NKAIN2: variants seen among roughly 807,000 people sequenced by gnomAD.
NKAIN2 encodes the protein sodium/potassium transporting ATPase interacting 2, also known as sodium/potassium-transporting ATPase subunit beta-1-interacting protein 2.
NKAIN2 carries 14 observed loss-of-function variants against 32.6 expected under a neutral mutation model. That is an observed-to-expected ratio of 0.43 (90% CI 0.28 to 0.67). NKAIN2 has a LOEUF of 0.67. NKAIN2 is among the 30% of genes least tolerant of loss of function. The pLI, the probability that NKAIN2 is intolerant of heterozygous loss-of-function variation, is 0.17. For synonymous variants in NKAIN2, 80 were observed against 87.2 expected, an observed-to-expected ratio of 0.92 and a Z score of 0.46; for missense variants, 198 against 258.3, an observed-to-expected ratio of 0.77 and a Z score of 1.60.
chr6:124,582,985 CAT>C (rs1781577063), intron 3 of NKAIN2, among the ~76,000 whole-genome samples: 1 of 152,026 alleles, frequency 6.6e-6, no homozygotes, highest in South Asian at 2.1e-4. Context: ...CACTAAAAGA[CAT>C]ATACAAAAGG....
chr6:123,990,666 A>C lies in NKAIN2; in HGVS notation c.54+186412A>C, dbSNP rs184011944. Among the ~76,000 whole-genome samples, 3 of 152,264 alleles carry C rather than the reference A, an allele frequency of 2.0e-5. No homozygotes were observed. The East Asian group carries it at 5.8e-4, about 29-fold the overall frequency. On this transcript the variant is annotated intron_variant, in intron 1 of 6. Transcript: ENST00000368417. ...TCATCTGAAACATTTGACACTTTGC[A>C]TATGTCTGGTGGTGCTGTTGATTTG... is the stretch of plus-strand genomic sequence containing the variant.
At chr6:124,573,299 A>G (rs1272533931) in intron 3 of NKAIN2, among the ~76,000 whole-genome samples, 1 of 152,108 alleles carries the variant, frequency 6.6e-6, no homozygotes, top group African/African-American at 2.4e-5. Context: ...TTCCTTCACT[A>G]CTTCCTATTG....
intron 3 of NKAIN2, among the ~76,000 whole-genome samples, chr6:124,524,264 G>A (rs1057489073): frequency 6.6e-6 from 1 of 151,980 alleles, no homozygotes; most frequent in Non-Finnish European, 1.5e-5. Flanking sequence ...GTTATAGTAT[G>A]TTTATTGTTC....
chr6:124,344,327 T>A (rs1798294011), intron 2 of NKAIN2, among the ~76,000 whole-genome samples: 2 of 152,102 alleles, frequency 1.3e-5, no homozygotes, highest in Admixed American at 6.5e-5. Flanking sequence ...TCTTTTTTGG[T>A]TCCATATGAA....
At chr6:123,945,552 C>T (rs1275007116) in intron 1 of NKAIN2, among the ~76,000 whole-genome samples, 1 of 152,064 alleles carries the variant, frequency 6.6e-6, no homozygotes, top group African/African-American at 2.4e-5. Flanking sequence ...ACTCTGTGGT[C>T]CCAGCAGGTG....
chr6:124,079,485 T>G (rs1383682977), intron 1 of NKAIN2, among the ~76,000 whole-genome samples: 1 of 152,140 alleles, frequency 6.6e-6, no homozygotes, highest in Non-Finnish European at 1.5e-5. Flanking sequence ...CATGGTCTCA[T>G]TTGTTTCTCC....
At chr6:123,950,674 T>C (rs1048231913) in intron 1 of NKAIN2, among the ~76,000 whole-genome samples, 2 of 151,958 alleles carry the variant, frequency 1.3e-5, no homozygotes, top group African/African-American at 2.4e-5. Context: ...TTTGTTTGAG[T>C]CTTCTTTTTT....
At chr6:124,132,727 G>A (rs2114273099) in intron 1 of NKAIN2, among the ~76,000 whole-genome samples, 1 of 152,238 alleles carries the variant, frequency 6.6e-6, no homozygotes, top group Non-Finnish European at 1.5e-5. Flanking sequence ...ACCTCCACCA[G>A]GGCAGGTGTT....
At chr6:124,234,472 A>G (rs1792635418) in intron 1 of NKAIN2, among the ~76,000 whole-genome samples, 1 of 152,136 alleles carries the variant, frequency 6.6e-6, no homozygotes, top group Admixed American at 6.6e-5. Flanking sequence ...TTCAAGTGCT[A>G]AATTCTAGTA....
At chr6:124,438,284 C>T (rs1283980926) in intron 3 of NKAIN2, among the ~76,000 whole-genome samples, 2 of 152,032 alleles carry the variant, frequency 1.3e-5, no homozygotes, top group Non-Finnish European at 2.9e-5. Flanking sequence ...CCAAACACTT[C>T]ACCTTATAAA....
intron 4 of NKAIN2, among the ~76,000 whole-genome samples, chr6:124,765,003 A>G (rs534818323): frequency 5.3e-5 from 8 of 152,338 alleles, no homozygotes; most frequent in Admixed American, 4.6e-4. Flanking sequence ...CACTAGGTTT[A>G]AAATATAAAT....
At chr6:124,594,555 AG>A (rs1201758307) in intron 3 of NKAIN2, among the ~76,000 whole-genome samples, 1 of 152,218 alleles carries the variant, frequency 6.6e-6, no homozygotes, top group Admixed American at 6.5e-5. Flanking sequence ...TCCATAAAGT[AG>A]TAAGAGTTGA....
At position 124,129,854 on chromosome 6, in the gene NKAIN2, G is replaced by C. The variant is rs192651622; in HGVS notation, c.55-153151G>C. ...GGCTGGTCTTGAACTCCTGACCTCA[G>C]GTAATCTGCCTGCCTCGCCTCCCAA... On this transcript the variant is annotated intron_variant, in intron 1 of 6. Coordinates refer to ENST00000368417, the MANE Select transcript of NKAIN2 (RefSeq NM_001040214.3). Among the ~76,000 whole-genome samples the C allele has an allele frequency of 2.5e-3, 375 of 152,214 alleles. 3 individuals are homozygous for C. Among genetic ancestry groups the C allele is most frequent in the African/African-American group, 8.8e-3 (365 of 41,552 alleles).
chr6:123,813,926 T>C (rs1773586817), intron 1 of NKAIN2, among the ~76,000 whole-genome samples: 1 of 151,930 alleles, frequency 6.6e-6, no homozygotes, highest in Non-Finnish European at 1.5e-5. Flanking sequence ...AGTGAACCTA[T>C]AGCCTGAGAT....
chr6:124,419,680 A>G (rs917909331), intron 3 of NKAIN2, among the ~76,000 whole-genome samples: 1 of 152,174 alleles, frequency 6.6e-6, no homozygotes, highest in East Asian at 1.9e-4. Context: ...AAGACATAAG[A>G]TAATATTTTA....
chr6:124,160,213 T>C (rs1378417501), intron 1 of NKAIN2, among the ~76,000 whole-genome samples: 1 of 152,108 alleles, frequency 6.6e-6, no homozygotes, highest in African/African-American at 2.4e-5. Flanking sequence ...AGGAAAATTT[T>C]CCCCTCGCTT....
At chr6:124,091,355 C>T (rs938361601) in intron 1 of NKAIN2, among the ~76,000 whole-genome samples, 12 of 151,724 alleles carry the variant, frequency 7.9e-5, no homozygotes, top group African/African-American at 2.9e-4. Context: ...AATTATAGAT[C>T]CTAGTCAATA....
At chr6:124,600,018 A>T (rs920575925) in intron 3 of NKAIN2, among the ~76,000 whole-genome samples, 1 of 152,120 alleles carries the variant, frequency 6.6e-6, no homozygotes, top group Non-Finnish European at 1.5e-5. Context: ...AATGGATTTC[A>T]TTATCTTGGG....
At chr6:124,330,807 G>A (rs185852345) in intron 2 of NKAIN2, among the ~76,000 whole-genome samples, 100 of 152,258 alleles carry the variant, frequency 6.6e-4, no homozygotes, top group South Asian at 1.7e-3. Flanking sequence ...TACTGCCTGA[G>A]TTCCTGAGCT....
Sources: gnomAD v4.1 joint callset for allele counts (sites outside exome capture counted in the v4.1 genomes callset) on GRCh38, gnomAD v4.1.1 for gene constraint, MANE v1.5 for transcripts, NCBI Gene and HGNC (gene_info 2026-07-23, HGNC 2026-07-21) for gene names.